Variants in DRAM2 observed in about 807,000 individuals in gnomAD.
DRAM2 encodes the protein DNA damage regulated autophagy modulator 2.
Under a neutral mutation model 33.5 loss-of-function variants are expected in DRAM2, and 26 were observed. The ratio of observed to expected loss-of-function variants is 0.78; its 90% CI spans 0.57 to 1.08. The LOEUF (loss-of-function observed/expected upper bound fraction) is 1.08. Ranked by LOEUF, DRAM2 falls within the 50% of genes least tolerant of loss-of-function variation. The pLI is 0.00. For synonymous variants in DRAM2, 98 were observed against 109.5 expected, an observed-to-expected ratio of 0.89 and a Z score of 0.66; for missense variants, 311 against 318.1, an observed-to-expected ratio of 0.98 and a Z score of 0.17.
intron 3 of DRAM2, among the ~76,000 whole-genome samples, chr1:111,135,796 T>C (rs1353457183): frequency 6.6e-6 from 1 of 152,240 alleles, no homozygotes; most frequent in Non-Finnish European, 1.5e-5. Context: ...CTTTAGGGAA[T>C]AAGATCCTTC....
Position 111,118,106 on chromosome 1 carries a change from C to G in DRAM2, c.*54G>C. 1 of 1,559,632 alleles carries G rather than the reference C, an allele frequency of 6.4e-7. No individual in the cohort carries two copies. Among genetic ancestry groups the G allele is most frequent in the Admixed American group, 1.7e-5 (1 of 59,714 alleles). On this transcript the variant is annotated 3_prime_UTR_variant, in exon 10 of 10. Transcript: ENST00000484310. Reference sequence around the variant, plus strand: ...GAGAAGAATAAGCAACTTCTGTGAACCTTTCCCCAATCCCTGAGAATCATA... The same window carrying G: ...GAGAAGAATAAGCAACTTCTGTGAAGCTTTCCCCAATCCCTGAGAATCATA...
intron 6 of DRAM2, among the ~76,000 whole-genome samples, chr1:111,124,536 T>C (rs7514887): frequency 0.17 from 25,462 of 152,208 alleles, 2,553 homozygotes; most frequent in South Asian, 0.32. Context: ...TAAAATAATT[T>C]GTATTTGTTC....
intron 4 of DRAM2, among the ~76,000 whole-genome samples, chr1:111,131,191 C>T (rs778332743): frequency 6.6e-6 from 1 of 152,114 alleles, no homozygotes; most frequent in Non-Finnish European, 1.5e-5. Flanking sequence ...AAACAAGGCA[C>T]TAAAGAGTCA....
intron 4 of DRAM2, among the ~76,000 whole-genome samples, chr1:111,129,837 G>A (rs901246873): frequency 1.3e-5 from 2 of 151,928 alleles, no homozygotes; most frequent in African/African-American, 2.4e-5. Context: ...GAGAAAGAAC[G>A]AGAAAAAAAG....
chr1:111,133,975 A>T (rs182732), intron 3 of DRAM2, among the ~76,000 whole-genome samples: 66,034 of 152,092 alleles, frequency 0.43, 15,266 homozygotes, highest in African/African-American at 0.6. Flanking sequence ...TGGTTTTCTC[A>T]TCCTCACTAA....
Position 111,126,312 on chromosome 1 carries a change from A to T in DRAM2, c.132-18T>A. 1 of 1,544,514 alleles carries T rather than the reference A, an allele frequency of 6.5e-7. No homozygotes were observed. Among genetic ancestry groups the T allele is most frequent in the Non-Finnish European group, 8.9e-7 (1 of 1,119,748 alleles). On this transcript the variant is annotated intron_variant, in intron 4 of 9. Transcript: ENST00000484310. ...CAGTGTCACTGAAAGAAAAAAAGGA[A>T]GGTATGTGGATTTCTCATACTAGAT...
At chr1:111,126,149 G>A in intron 5 of DRAM2, 78 bp downstream of exon 5, 1 of 872,654 alleles carries the variant, frequency 1.1e-6, no homozygotes. Context: ...AGTAAAACAA[G>A]TAACACTCCA....
chr1:111,124,718 C>T (rs1386093630), intron 6 of DRAM2, 24 bp downstream of exon 6: 3 of 1,611,872 alleles, frequency 1.9e-6, no homozygotes, highest in Non-Finnish European at 2.5e-6. Context: ...AAGGAAAATA[C>T]CTATGCTGGG....
chr1:111,133,172 ACTTAC>A (rs1330701651), intron 3 of DRAM2, among the ~76,000 whole-genome samples: 39 of 143,196 alleles, frequency 2.7e-4, no homozygotes, highest in African/African-American at 9.1e-4. Flanking sequence ...TCTTGTCTTT[ACTTAC>A]CTTTTTTTTT....
chr1:111,136,231 A>G (rs1557903905), intron 3 of DRAM2, among the ~76,000 whole-genome samples: 1 of 152,186 alleles, frequency 6.6e-6, no homozygotes, highest in Non-Finnish European at 1.5e-5. Context: ...GAACTTCAGC[A>G]AGCTTCATAA....
chr1:111,134,142 G>A (rs1652683603), intron 3 of DRAM2, among the ~76,000 whole-genome samples: 1 of 152,186 alleles, frequency 6.6e-6, no homozygotes, highest in Non-Finnish European at 1.5e-5. Context: ...GATTAAGGAT[G>A]TTGTTAAGTA....
chr1:111,130,471 C>T (rs1162732097), intron 4 of DRAM2, among the ~76,000 whole-genome samples: 3 of 151,480 alleles, frequency 2.0e-5, no homozygotes, highest in African/African-American at 7.3e-5. Context: ...TTTGGGAGGC[C>T]AAGGCGGGCA....
At chr1:111,134,457 T>C (rs952781424) in intron 3 of DRAM2, among the ~76,000 whole-genome samples, 1 of 152,260 alleles carries the variant, frequency 6.6e-6, no homozygotes, top group Non-Finnish European at 1.5e-5. Context: ...TTGCTAAATA[T>C]ACACATTTGC....
At chr1:111,129,322 T>G (rs561927604) in intron 4 of DRAM2, among the ~76,000 whole-genome samples, 152 of 152,318 alleles carry the variant, frequency 1.0e-3, no homozygotes, top group African/African-American at 3.6e-3. Context: ...GACAGATGTT[T>G]CAAAAGCATC....
intron 3 of DRAM2, among the ~76,000 whole-genome samples, chr1:111,134,272 A>C (rs1652705827): frequency 6.6e-6 from 1 of 151,984 alleles, no homozygotes; most frequent in Admixed American, 6.6e-5. Flanking sequence ...TGTGAGAATA[A>C]TTTCATGTTT....
intron 9 of DRAM2, chr1:111,118,579 T>C (rs1206909807): frequency 2.1e-6 from 1 of 472,288 alleles, no homozygotes; most frequent in Admixed American, 3.9e-5. Flanking sequence ...CTGAAATTTA[T>C]TTTATAGCCC....
chr1:111,126,020 A>AT (rs1259368906), intron 5 of DRAM2, among the ~76,000 whole-genome samples: 8 of 151,972 alleles, frequency 5.3e-5, no homozygotes, highest in Admixed American at 5.2e-4. Flanking sequence ...AATCCGACAC[A>AT]TATTTTTTTA....
Position 111,117,908 on chromosome 1 carries a change from C to A in DRAM2, c.*252G>T. ...AATAAGGTATAAAAAACTATGATAT[C>A]ATAGTCTTTTGACTTTATTTTCTGA... On this transcript the variant is annotated 3_prime_UTR_variant, in exon 10 of 10. Transcript: ENST00000484310. 1 of 475,616 alleles carries A rather than the reference C, an allele frequency of 2.1e-6. No homozygotes were observed. The highest frequency in any genetic ancestry group is 2.0e-5 in the African/African-American group (1 of 50,296). 29.5% of individuals were successfully genotyped at this position (475,616 alleles called of 1,614,324 possible).
At chr1:111,120,404 A>C in intron 7 of DRAM2, 112 bp downstream of exon 7, 2 of 408,204 alleles carry the variant, frequency 4.9e-6, no homozygotes, top group Non-Finnish European at 7.5e-6. Flanking sequence ...AAAAAAAAAA[A>C]AAAAAAAAAA....
Sources: gnomAD v4.1 joint callset for allele counts (sites outside exome capture counted in the v4.1 genomes callset) on GRCh38, gnomAD v4.1.1 for gene constraint, MANE v1.5 for transcripts, NCBI Gene and HGNC (gene_info 2026-07-23, HGNC 2026-07-21) for gene names.